COL4A5: variants seen among roughly 807,000 people sequenced by gnomAD.
COL4A5 encodes the protein collagen type IV alpha 5 chain.
COL4A5 carries 26 observed loss-of-function variants against 130.2 expected under a neutral mutation model. That is an observed-to-expected ratio of 0.20 (90% CI 0.15 to 0.28). The LOEUF is 0.28. Ranked by LOEUF, COL4A5 falls within the 10% of genes least tolerant of loss-of-function variation. The pLI, the probability that COL4A5 is intolerant of heterozygous loss-of-function variation, is 1.00. For synonymous variants in COL4A5, 496 were observed against 439.6 expected (o/e 1.13, Z -1.60); for missense variants, 1,131 against 1,344.3 (o/e 0.84, Z 2.48).
In COL4A5 at chrX:108,571,787, A is replaced by T. The variant is rs2147754904; in HGVS notation, c.439-24A>T. On this transcript the variant is annotated intron_variant, in intron 7 of 52. Transcript: ENST00000328300. Reference sequence around the variant, plus strand: ...TGTTTCTCTCTCATACATATAAAATAATCCCTTTTCTTTTTAATAATAGGG... The same window carrying T: ...TGTTTCTCTCTCATACATATAAAATTATCCCTTTTCTTTTTAATAATAGGG... 1 of 1,122,633 alleles carries T rather than the reference A, an allele frequency of 8.9e-7. No homozygotes were observed. Among genetic ancestry groups the T allele is most frequent in the Non-Finnish European group, 1.2e-6 (1 of 815,350 alleles). 92.5% of individuals were successfully genotyped at this position (1,122,633 alleles called of 1,213,427 possible).
At chrX:108,442,902 A>G (rs1211060856) in intron 1 of COL4A5, 1 of 112,058 alleles carries the variant, frequency 8.9e-6, no homozygotes. Flanking sequence ...TGAGAAAACT[A>G]CAAATTACAG....
intron 29 of COL4A5, among the ~76,000 whole-genome samples, chrX:108,612,871 A>G (rs2066860768): frequency 8.9e-6 from 1 of 112,228 alleles, no homozygotes; most frequent in African/African-American, 3.2e-5. Context: ...GACTTAAAAT[A>G]AAGCTACAAT....
chrX:108,605,601 C>T (rs983066261), intron 28 of COL4A5, among the ~76,000 whole-genome samples: 6 of 111,800 alleles, frequency 5.4e-5, no homozygotes, highest in African/African-American at 1.3e-4. Context: ...GGAAAAATTG[C>T]GCTGATAGAC....
chrX:108,586,865 T>C (rs977087376), intron 19 of COL4A5, 118 bp downstream of exon 19: 2 of 782,707 alleles, frequency 2.6e-6, no homozygotes, highest in Non-Finnish European at 3.9e-6. Context: ...TCCTTTTTAA[T>C]TGACAGATAC....
chrX:108,633,489 A>G (rs1203295763), intron 36 of COL4A5, among the ~76,000 whole-genome samples: 2 of 111,375 alleles, frequency 1.8e-5, no homozygotes, highest in Non-Finnish European at 3.8e-5. Flanking sequence ...ATTCACTGAT[A>G]TAAAATTGTA....
chrX:108,553,253 A>G (rs28858983), intron 2 of COL4A5, among the ~76,000 whole-genome samples: 10,321 of 111,529 alleles, frequency 0.093, 1,088 homozygotes, highest in African/African-American at 0.3. Context: ...CTCAAAAGTA[A>G]TAACTTGTTC....
chrX:108,476,454 A>G (rs2064833559), intron 1 of COL4A5, among the ~76,000 whole-genome samples: 1 of 108,726 alleles, frequency 9.2e-6, no homozygotes, highest in Non-Finnish European at 1.9e-5. Context: ...TATATGTACA[A>G]TTAAATTATT....
chrX:108,602,020 G>A (rs1012095739), intron 27 of COL4A5, 31 bp downstream of exon 27: 3 of 740,053 alleles, frequency 4.1e-6, no homozygotes, highest in African/African-American at 4.2e-5. Context: ...GGCAGAGTAG[G>A]TTAGAAGTTT....
chrX:108,570,682 A>G (rs1364377762), intron 6 of COL4A5, among the ~76,000 whole-genome samples: 1 of 111,319 alleles, frequency 9.0e-6, no homozygotes, highest in East Asian at 2.8e-4. Flanking sequence ...TACTTTTTCC[A>G]TGTGTAACAA....
At chrX:108,665,391 G>A in intron 37 of COL4A5, 116 bp from the exon 38 acceptor site, 2 of 500,811 alleles carry the variant, frequency 4.0e-6, no homozygotes, top group Non-Finnish European at 6.9e-6. Context: ...GCATCTTTTG[G>A]GTTTCTTTTT....
chrX:108,509,401 A>AACCTGAACTTGTAC (rs1439802032), intron 1 of COL4A5, among the ~76,000 whole-genome samples: 3 of 112,101 alleles, frequency 2.7e-5, no homozygotes, highest in Non-Finnish European at 5.6e-5. Context: ...CTATGTAAGT[A>AACCTGAACTTGTAC]ACCTGAACTT....
intron 21 of COL4A5, among the ~76,000 whole-genome samples, chrX:108,593,199 G>A (rs1404765849): frequency 9.0e-6 from 1 of 111,286 alleles, no homozygotes; most frequent in Admixed American, 9.5e-5. Context: ...GAATTGCTGG[G>A]TTATAGGTTA....
intron 36 of COL4A5, among the ~76,000 whole-genome samples, chrX:108,645,737 G>A (rs1460675120): frequency 6.0e-5 from 2 of 33,397 alleles, no homozygotes; most frequent in East Asian, 8.3e-4. Flanking sequence ...CCCCTCCCCC[G>A]ACCCCACAAC....
At chrX:108,663,986 A>T (rs2068020414) in intron 37 of COL4A5, among the ~76,000 whole-genome samples, 2 of 111,633 alleles carry the variant, frequency 1.8e-5, no homozygotes, top group African/African-American at 6.5e-5. Context: ...GGAGTTTGAG[A>T]CTGGCCTGGC....
At chrX:108,637,462 A>G (rs929204987) in intron 36 of COL4A5, among the ~76,000 whole-genome samples, 1 of 111,841 alleles carries the variant, frequency 8.9e-6, no homozygotes. Context: ...AGATAAATAA[A>G]ATACAGAACT....
Position 108,625,765 on chromosome X carries a change from A to C in COL4A5, c.3077A>C (p.Lys1026Thr). The change falls in exon 35 of 53, where the codon AAA becomes ACA. Residue 1026 changes from lysine to threonine, a missense_variant. Physicochemically the swap from Lys to Thr is moderately conservative, Grantham distance 78 (BLOSUM62 -1). Coordinates refer to ENST00000328300, the MANE Select transcript of COL4A5 (RefSeq NM_033380.3). ...QPGLIGPPGL[K>T]GTIGDMGFPG... The stretch of plus-strand genomic sequence containing the variant: ...GGTCTTATAGGACCTCCTGGACTTA[A>C]AGGAACCATCGGTGATATGGGTTTT... 8.3e-7 allele frequency: 1 copy of C among 1,206,595 alleles called. No individual in the cohort carries two copies. The highest frequency in any genetic ancestry group is 1.8e-5 in the South Asian group (1 of 56,832).
intron 1 of COL4A5, among the ~76,000 whole-genome samples, chrX:108,448,671 G>T (rs961785249): frequency 1.8e-5 from 2 of 112,146 alleles, no homozygotes; most frequent in East Asian, 5.6e-4. Flanking sequence ...AGTCATGGTG[G>T]TGTCTGTTTA....
At chrX:108,502,643 C>A (rs1461682325) in intron 1 of COL4A5, among the ~76,000 whole-genome samples, 1 of 111,257 alleles carries the variant, frequency 9.0e-6, no homozygotes, top group Non-Finnish European at 1.9e-5. Context: ...CATTTTTTTT[C>A]ATTTAAAAAT....
chrX:108,585,758 C>G (rs1475805013), intron 18 of COL4A5, among the ~76,000 whole-genome samples: 4 of 110,639 alleles, frequency 3.6e-5, no homozygotes, highest in Non-Finnish European at 7.6e-5. Flanking sequence ...TAATGAGTTA[C>G]AAGAATACAG....
Sources: gnomAD v4.1 joint callset for allele counts (sites outside exome capture counted in the v4.1 genomes callset) on GRCh38, gnomAD v4.1.1 for gene constraint, MANE v1.5 for transcripts, NCBI Gene and HGNC (gene_info 2026-07-23, HGNC 2026-07-21) for gene names.